NDUFAF5: variants seen among roughly 807,000 people sequenced by gnomAD.
NDUFAF5 encodes arginine-hydroxylase NDUFAF5, mitochondrial.
A neutral mutation model predicts 48.9 loss-of-function variants in NDUFAF5; 34 were observed. That is an observed-to-expected ratio of 0.70 (90% CI 0.53 to 0.93). NDUFAF5 has a LOEUF of 0.93. Ranked by LOEUF, NDUFAF5 falls within the 40% of genes least tolerant of loss-of-function variation. The probability of loss-of-function intolerance (pLI) is 0.00; values close to 1 mark genes in which losing one functional copy is unlikely to be tolerated. For synonymous variants in NDUFAF5, 153 were observed against 150.6 expected, an observed-to-expected ratio of 1.02 and a Z score of -0.12; for missense variants, 428 against 427.5, an observed-to-expected ratio of 1.00 and a Z score of -0.01.
At position 13,788,638 on chromosome 20, in the gene NDUFAF5, C is replaced by A; in HGVS notation, c.313C>A (p.Gln105Lys). 6 of 1,608,860 alleles carry A rather than the reference C, an allele frequency of 3.7e-6. No individual in the cohort carries two copies. Among genetic ancestry groups the A allele is most frequent in the Non-Finnish European group, 5.1e-6 (6 of 1,175,574 alleles). The change falls in exon 3 of 11, where the codon CAA becomes AAA. Residue 105 changes from glutamine (Q) to lysine (K), a missense_variant. Coordinates refer to ENST00000378106, the MANE Select transcript of NDUFAF5 (RefSeq NM_024120.5). ...DLGCGRGYIA[Q>K]YLNKETIGKF... ...TGGTTGTGGAAGAGGTTACATTGCA[C>A]AATATTTGAATAAGGTATATTTATT... is the stretch of plus-strand genomic sequence containing the variant.
At position 13,819,581 on chromosome 20, in the gene NDUFAF5, A is replaced by G. The variant is rs1600404062; in HGVS notation, c.*2371A>G. ...ATGGGGTTTCACCATGTTGGCCAGGATGGTCTCAATCTCTTGACCTTGTGA... is the reference window on the plus strand; with the variant it reads ...ATGGGGTTTCACCATGTTGGCCAGGGTGGTCTCAATCTCTTGACCTTGTGA... On this transcript the variant is annotated 3_prime_UTR_variant, in exon 11 of 11. Transcript: ENST00000378106. 1 of 152,170 alleles carries G rather than the reference A, an allele frequency of 6.6e-6. No homozygotes were observed. The highest frequency in any genetic ancestry group is 6.5e-5 in the Admixed American group (1 of 15,282). 9.4% of individuals were successfully genotyped at this position (152,170 alleles called of 1,614,324 possible). A position where few individuals can be genotyped will look rare whatever the true frequency, so the allele number is the denominator to read the frequency against.
At position 13,817,849 on chromosome 20, in the gene NDUFAF5, T is replaced by C. The variant is rs778738273; in HGVS notation, c.*639T>C. 2.4e-5 allele frequency: 11 copies of C among 453,990 alleles called. 1 individual carries two copies. Among genetic ancestry groups the C allele is most frequent in the South Asian group, 1.7e-4 (11 of 64,480 alleles). 28.1% of individuals were successfully genotyped at this position (453,990 alleles called of 1,614,324 possible). On this transcript the variant is annotated 3_prime_UTR_variant, in exon 11 of 11. Coordinates refer to ENST00000378106, the MANE Select transcript of NDUFAF5 (RefSeq NM_024120.5). ...AGCTTTCCTTTGTAATTTCAGGGCT[T>C]AAGCACTATTATCCTAATCCAAGTT...
At chr20:13,809,341 T>C (rs1985530490) in intron 8 of NDUFAF5, among the ~76,000 whole-genome samples, 1 of 152,112 alleles carries the variant, frequency 6.6e-6, no homozygotes. Context: ...TGTCCCAGTC[T>C]GGGAGACTCA....
At chr20:13,799,513 A>G (rs1983781771) in intron 6 of NDUFAF5, among the ~76,000 whole-genome samples, 1 of 152,050 alleles carries the variant, frequency 6.6e-6, no homozygotes, top group Non-Finnish European at 1.5e-5. Flanking sequence ...AGCCTGGCCA[A>G]CATGGTGAAA....
chr20:13,809,196 C>T (rs1413726155), intron 8 of NDUFAF5, among the ~76,000 whole-genome samples: 1 of 152,058 alleles, frequency 6.6e-6, no homozygotes, highest in Non-Finnish European at 1.5e-5. Context: ...AAAAAGATGG[C>T]GGGACTTTTT....
In NDUFAF5 at chr20:13,785,158, C is replaced by T. The variant is rs776689672; in HGVS notation, c.90C>T (p.Thr30=). 5.0e-6 allele frequency: 8 copies of T among 1,613,872 alleles called. No homozygotes were observed. The highest frequency in any genetic ancestry group is 6.8e-6 in the Non-Finnish European group (8 of 1,179,986). The change falls in exon 1 of 11, where the codon ACC becomes ACT. Residue 30 remains threonine, a synonymous_variant. Coordinates refer to ENST00000378106, the MANE Select transcript of NDUFAF5 (RefSeq NM_024120.5). Reference sequence around the variant, plus strand: ...AGAATCTTGGCCGTAGGGAAGTCACCTCTGGTGTCTCTCCCCGCGGTAGCA... The same window carrying T: ...AGAATCTTGGCCGTAGGGAAGTCACTTCTGGTGTCTCTCCCCGCGGTAGCA... ...PAENLGRREV[T]SGVSPRGSTS...
At chr20:13,809,609 T>C (rs1418666169) in intron 8 of NDUFAF5, among the ~76,000 whole-genome samples, 1 of 152,206 alleles carries the variant, frequency 6.6e-6, no homozygotes, top group African/African-American at 2.4e-5. Flanking sequence ...AGAAGTACTT[T>C]ATAGGCCTTG....
intron 8 of NDUFAF5, among the ~76,000 whole-genome samples, chr20:13,810,423 G>A (rs933164113): frequency 6.6e-6 from 1 of 152,184 alleles, no homozygotes; most frequent in South Asian, 2.1e-4. Context: ...TGGTGACCCT[G>A]GTGAGAGCTC....
chr20:13,792,271 C>T (rs1982405451), intron 3 of NDUFAF5, among the ~76,000 whole-genome samples: 1 of 152,202 alleles, frequency 6.6e-6, no homozygotes, highest in Non-Finnish European at 1.5e-5. Flanking sequence ...AGCATGAAAT[C>T]TTTCCAAGTT....
At chr20:13,794,693 G>A (rs1379964172) in intron 4 of NDUFAF5, 145 bp from the exon 5 acceptor site, 2 of 668,460 alleles carry the variant, frequency 3.0e-6, no homozygotes, top group Admixed American at 2.2e-5. Context: ...TGCTTTTTGG[G>A]TGCCTTCTCT....
intron 5 of NDUFAF5, among the ~76,000 whole-genome samples, chr20:13,795,331 C>T (rs904051811): frequency 1.3e-5 from 2 of 152,110 alleles, no homozygotes; most frequent in Middle Eastern, 3.4e-3. Context: ...GGGGAGAAAA[C>T]CCTTCTATCA....
Position 13,818,117 on chromosome 20 carries a change from T to C in NDUFAF5, c.*907T>C, listed in dbSNP as rs1255435212. 2.2e-6 allele frequency: 1 copy of C among 454,146 alleles called. No individual in the cohort carries two copies. Among genetic ancestry groups the C allele is most frequent in the East Asian group, 6.9e-5 (1 of 14,396 alleles). 28.1% of individuals were successfully genotyped at this position (454,146 alleles called of 1,614,324 possible). ...TAATAGCATTTCCTTCTGTCTCCTC[T>C]CAGTCTCTCTTCTGCCTTCCTTCCC... On this transcript the variant is annotated 3_prime_UTR_variant, in exon 11 of 11. Coordinates refer to ENST00000378106, the MANE Select transcript of NDUFAF5 (RefSeq NM_024120.5).
At chr20:13,814,588 T>A in intron 8 of NDUFAF5, 1 of 753,140 alleles carries the variant, frequency 1.3e-6, no homozygotes, top group Non-Finnish European at 2.0e-6. Flanking sequence ...GGTTTATTTT[T>A]GATAAGCAGT....
chr20:13,815,141 T>C (rs1025374239), intron 8 of NDUFAF5, among the ~76,000 whole-genome samples: 2 of 152,230 alleles, frequency 1.3e-5, no homozygotes, highest in African/African-American at 4.8e-5. Flanking sequence ...CTACTGGTGT[T>C]GTCCATAACT....
intron 8 of NDUFAF5, chr20:13,814,316 A>G (rs1986218441): frequency 3.8e-6 from 2 of 520,250 alleles, no homozygotes; most frequent in African/African-American, 4.0e-5. Context: ...CTAGAAGATC[A>G]TGTTACTTCC....
In NDUFAF5 at chr20:13,818,275, G is replaced by A. The variant is rs1986726126; in HGVS notation, c.*1065G>A. The stretch of plus-strand genomic sequence containing the variant: ...TAATTATATAACAAACTTGCCCTTT[G>A]AAAGACTAAGTTATAGTTAAAAACC... On this transcript the variant is annotated 3_prime_UTR_variant, in exon 11 of 11. Transcript: ENST00000378106. 2 of 453,002 alleles carry A rather than the reference G, an allele frequency of 4.4e-6. No homozygotes were observed. Among genetic ancestry groups the A allele is most frequent in the Admixed American group, 2.4e-5 (1 of 42,464 alleles). 28.1% of individuals were successfully genotyped at this position (453,002 alleles called of 1,614,324 possible). A position where few individuals can be genotyped will look rare whatever the true frequency, so the allele number is the denominator to read the frequency against.
At chr20:13,814,417 G>C (rs1408745442) in intron 8 of NDUFAF5, 1 of 1,282,256 alleles carries the variant, frequency 7.8e-7, no homozygotes, top group African/African-American at 1.5e-5. Context: ...TTAATTCACA[G>C]AACAAAAGTC....
In NDUFAF5 at chr20:13,817,533, A is replaced by T. The variant is rs1475555644; in HGVS notation, c.*323A>T. 2.1e-6 allele frequency: 1 copy of T among 482,236 alleles called. No individual in the cohort carries two copies. Among genetic ancestry groups the T allele is most frequent in the Non-Finnish European group, 4.1e-6 (1 of 246,404 alleles). 29.9% of individuals were successfully genotyped at this position (482,236 alleles called of 1,614,324 possible). On this transcript the variant is annotated 3_prime_UTR_variant, in exon 11 of 11. Transcript: ENST00000378106. ...CATGCTGACCTTTTACACCTTTTTC[A>T]TTTGTCATACTGTTTTCTTTGCCTT... is the stretch of plus-strand genomic sequence containing the variant.
chr20:13,813,061 TG>T (rs1986062200), intron 8 of NDUFAF5: 1 of 152,478 alleles, frequency 6.6e-6, no homozygotes, highest in Admixed American at 6.5e-5. Flanking sequence ...GTAATTCTCC[TG>T]CTTCAGCCTC....
Sources: allele counts gnomAD v4.1 joint callset (sites outside exome capture counted in the v4.1 genomes callset), GRCh38; gene constraint gnomAD v4.1.1; transcripts MANE v1.5; gene names NCBI Gene and HGNC (gene_info 2026-07-23, HGNC 2026-07-21).